ROBO2: variants seen among roughly 807,000 people sequenced by gnomAD.
ROBO2 encodes the protein roundabout guidance receptor 2, also known as roundabout homolog 2.
Under a neutral mutation model 160.8 loss-of-function variants are expected in ROBO2, and 53 were observed. The ratio of observed to expected loss-of-function variants is 0.33; its 90% CI spans 0.26 to 0.41. ROBO2 has a LOEUF of 0.41. ROBO2 is among the 10% of genes least tolerant of loss of function. The pLI is 1.00. For synonymous variants in ROBO2, 664 were observed against 611.7 expected, an observed-to-expected ratio of 1.09 and a Z score of -1.26; for missense variants, 1,577 against 1,722.4, an observed-to-expected ratio of 0.92 and a Z score of 1.49.
chr3:77,086,568 C>G (rs2069342464), intron 1 of ROBO2, among the ~76,000 whole-genome samples: 1 of 152,146 alleles, frequency 6.6e-6, no homozygotes, highest in South Asian at 2.1e-4. Flanking sequence ...TCCCTTACCT[C>G]CATTCCACAT....
chr3:77,225,145 C>T (rs564504718), intron 2 of ROBO2, among the ~76,000 whole-genome samples: 17 of 151,898 alleles, frequency 1.1e-4, no homozygotes, highest in South Asian at 6.2e-4. Context: ...TACATTAAAG[C>T]ATTCATTTCA....
At chr3:77,114,487 C>T (rs573110852) in intron 2 of ROBO2, among the ~76,000 whole-genome samples, 2 of 152,096 alleles carry the variant, frequency 1.3e-5, no homozygotes, top group African/African-American at 4.8e-5. Flanking sequence ...GATAATATTG[C>T]TGGTAAAATG....
intron 2 of ROBO2, among the ~76,000 whole-genome samples, chr3:76,160,951 C>T (rs1324333456): frequency 1.3e-5 from 2 of 152,090 alleles, no homozygotes; most frequent in Non-Finnish European, 2.9e-5. Context: ...TGACATGTTA[C>T]ATGATTTTTT....
At chr3:77,602,566 T>C (rs997009961) in intron 20 of ROBO2, 75 bp downstream of exon 21, 2 of 1,546,374 alleles carry the variant, frequency 1.3e-6, no homozygotes, top group African/African-American at 2.7e-5. Context: ...GTATTTGTTG[T>C]TTGACTTAGT....
At chr3:75,995,309 G>C (rs2065693158) in intron 2 of ROBO2, among the ~76,000 whole-genome samples, 1 of 152,158 alleles carries the variant, frequency 6.6e-6, no homozygotes, top group Non-Finnish European at 1.5e-5. Flanking sequence ...TACAGTCTCA[G>C]GGCTTGGTGC....
intron 2 of ROBO2, among the ~76,000 whole-genome samples, chr3:75,952,327 T>G (rs1231952217): frequency 1.3e-5 from 2 of 151,982 alleles, no homozygotes; most frequent in African/African-American, 4.8e-5. Flanking sequence ...TCTCTAGATT[T>G]CTGATTTTAT....
intron 2 of ROBO2, among the ~76,000 whole-genome samples, chr3:77,400,480 A>C (rs981074398): frequency 2.0e-5 from 3 of 152,192 alleles, no homozygotes; most frequent in Non-Finnish European, 4.4e-5. Context: ...CATAGTTCTA[A>C]GAAGGAGCCA....
chr3:76,589,209 C>T (rs2086251895), intron 2 of ROBO2, among the ~76,000 whole-genome samples: 1 of 152,156 alleles, frequency 6.6e-6, no homozygotes, highest in South Asian at 2.1e-4. Context: ...AAACATCGCT[C>T]TGTATACCTT....
chr3:76,620,664 T>G (rs1420325546), intron 2 of ROBO2, among the ~76,000 whole-genome samples: 1 of 152,194 alleles, frequency 6.6e-6, no homozygotes, highest in East Asian at 1.9e-4. Flanking sequence ...ATAATACATA[T>G]AGTTTATATG....
chr3:75,996,460 T>C (rs1249146449), intron 2 of ROBO2, among the ~76,000 whole-genome samples: 1 of 152,156 alleles, frequency 6.6e-6, no homozygotes, highest in Non-Finnish European at 1.5e-5. Flanking sequence ...GAACTGTGAG[T>C]CAATTAAACC....
intron 2 of ROBO2, among the ~76,000 whole-genome samples, chr3:75,961,535 C>T (rs971518428): frequency 6.6e-6 from 1 of 151,580 alleles, no homozygotes; most frequent in African/African-American, 2.4e-5. Context: ...ATAGCTCACT[C>T]AATTTTAATA....
At chr3:77,294,970 C>G (rs1304287288) in intron 2 of ROBO2, among the ~76,000 whole-genome samples, 1 of 151,272 alleles carries the variant, frequency 6.6e-6, no homozygotes, top group African/African-American at 2.4e-5. Context: ...GGCTAGATCA[C>G]CAAAGACATA....
intron 2 of ROBO2, among the ~76,000 whole-genome samples, chr3:76,710,079 C>A (rs2093258455): frequency 6.6e-6 from 1 of 151,396 alleles, no homozygotes; most frequent in Non-Finnish European, 1.5e-5. Flanking sequence ...AGGAAAGTGG[C>A]TGAGGCCTGC....
chr3:77,365,893 T>C (rs1446413139), intron 2 of ROBO2, among the ~76,000 whole-genome samples: 7 of 152,198 alleles, frequency 4.6e-5, no homozygotes. Context: ...AAAAATGTAT[T>C]GACTAGCAAA....
At chr3:77,017,457 A>G (rs2149490456) in intron 2 of ROBO2, among the ~76,000 whole-genome samples, 1 of 152,314 alleles carries the variant, frequency 6.6e-6, no homozygotes, top group African/African-American at 2.4e-5. Context: ...AGTAGATTGG[A>G]CATGGTTTTC....
chr3:77,147,389 A>T (rs1264724084), intron 2 of ROBO2, among the ~76,000 whole-genome samples: 1 of 152,316 alleles, frequency 6.6e-6, no homozygotes, highest in South Asian at 2.1e-4. Context: ...TGCTCTTTTC[A>T]AACTGTAATG....
At chr3:76,843,349 A>G (rs1576996665) in intron 2 of ROBO2, among the ~76,000 whole-genome samples, 2 of 151,912 alleles carry the variant, frequency 1.3e-5, no homozygotes, top group East Asian at 3.9e-4. Context: ...ATGACTCAAA[A>G]TAGAATATTA....
intron 17 of ROBO2, among the ~76,000 whole-genome samples, chr3:77,590,225 C>G (rs74666444): frequency 2.6e-5 from 4 of 152,052 alleles, no homozygotes; most frequent in Non-Finnish European, 5.9e-5. Flanking sequence ...ACAGCATATC[C>G]ATTGACAAGA....
chr3:77,217,295 A>G (rs575084661), intron 2 of ROBO2, among the ~76,000 whole-genome samples: 63 of 152,130 alleles, frequency 4.1e-4, no homozygotes, highest in African/African-American at 1.5e-3. Flanking sequence ...GGTGCACATC[A>G]CCACGCCTGG....
Sources: gnomAD v4.1 joint callset for allele counts (sites outside exome capture counted in the v4.1 genomes callset) on GRCh38, gnomAD v4.1.1 for gene constraint, MANE v1.5 for transcripts, NCBI Gene and HGNC (gene_info 2026-07-23, HGNC 2026-07-21) for gene names.